The following PLXNA4 variants were observed in gnomAD, a reference collection of about 807,000 sequenced individuals.
PLXNA4 encodes plexin-A4.
A neutral mutation model predicts 191.8 loss-of-function variants in PLXNA4; 44 were observed. The ratio of observed to expected loss-of-function variants is 0.23; its 90% confidence interval spans 0.18 to 0.29. The LOEUF (loss-of-function observed/expected upper bound fraction) is 0.29, where lower values mean the gene tolerates loss of function less well. PLXNA4 is among the 10% of genes least tolerant of loss of function. The pLI is 1.00. For synonymous variants in PLXNA4, 1,082 were observed against 1,009.5 expected (o/e 1.07, Z -1.36); for missense variants, 1,800 against 2,488.8 (o/e 0.72, Z 5.89).
chr7:132,561,519 T>TCCTCCTCCTC (rs1801065144), intron 1 of PLXNA4, among the ~76,000 whole-genome samples: 1 of 50,886 alleles, frequency 2.0e-5, no homozygotes, highest in African/African-American at 9.4e-5. Context: ...TCCTCCTCCT[T>TCCTCCTCCTC]CTCCTCCTCC....
chr7:132,205,973 G>A (rs182910811), intron 10 of PLXNA4, among the ~76,000 whole-genome samples: 8 of 152,192 alleles, frequency 5.3e-5, no homozygotes, highest in East Asian at 1.9e-4. Context: ...GTACTCAAAC[G>A]TGTTTATGTG....
In PLXNA4 at chr7:132,298,298, T is replaced by C. The variant is rs1801181655; in HGVS notation, c.1372-76A>G. 6.5e-6 allele frequency: 10 copies of C among 1,529,148 alleles called. No homozygotes were observed. The East Asian group carries it at 6.8e-5, about 10-fold the overall frequency. 94.7% of individuals were successfully genotyped at this position (1,529,148 alleles called of 1,614,324 possible). A position where few individuals can be genotyped will look rare whatever the true frequency, so the allele number is the denominator to read the frequency against. On this transcript the variant is annotated intron_variant, in intron 3 of 31. Transcript: ENST00000321063. Reference sequence around the variant, plus strand: ...ACAGCCAAACTTCAGCCAAAGACCCTGTCAACAGCCAAGGGAGAGGGCATG... The same window carrying C: ...ACAGCCAAACTTCAGCCAAAGACCCCGTCAACAGCCAAGGGAGAGGGCATG...
rs374598492 is a variant in PLXNA4 at position 132,146,672 on chromosome 7, G to A, written c.4893C>T (p.Pro1631=). The change falls in exon 28 of 32, where the codon CCC becomes CCT. Residue 1631 remains proline (P), a synonymous_variant. Coordinates refer to ENST00000321063, the MANE Select transcript of PLXNA4 (RefSeq NM_020911.2). ...YENMIRYTGS[P]DSLRSRTPMI... ...TAGGTGTCCGTGAGCGGAGGCTGTC[G>A]GGGCTGCCCGTGTACCGGATCATGT... 25 of 1,614,034 alleles carry A rather than the reference G, an allele frequency of 1.5e-5. No individual in the cohort carries two copies. Among genetic ancestry groups the A allele is most frequent in the African/African-American group, 1.1e-4 (8 of 74,916 alleles).
chr7:132,615,078 T>C (rs76119672), intron 2 of PLXNA4, among the ~76,000 whole-genome samples: 2,820 of 152,250 alleles, frequency 0.019, 77 homozygotes, highest in African/African-American at 0.063. Context: ...TTAGAAGGTC[T>C]TAAGAAATAC....
At chr7:132,589,287 G>C (rs116681722) in intron 2 of PLXNA4, among the ~76,000 whole-genome samples, 1 of 151,962 alleles carries the variant, frequency 6.6e-6, no homozygotes, top group Non-Finnish European at 1.5e-5. Context: ...AGAGAGTGTC[G>C]ATTTAGAATG....
intron 5 of PLXNA4, among the ~76,000 whole-genome samples, chr7:132,232,909 C>A (rs910664651): frequency 6.6e-6 from 1 of 152,166 alleles, no homozygotes; most frequent in East Asian, 1.9e-4. Context: ...CTGAGTGAAC[C>A]GCCAAGCTTG....
intron 15 of PLXNA4, among the ~76,000 whole-genome samples, chr7:132,185,733 G>C (rs1351602505): frequency 6.6e-6 from 1 of 152,218 alleles, no homozygotes; most frequent in African/African-American, 2.4e-5. Context: ...ATCTGGCTAA[G>C]TCTATTTGGG....
chr7:132,609,081 T>C (rs56306890), intron 2 of PLXNA4, among the ~76,000 whole-genome samples: 133,860 of 152,184 alleles, frequency 0.88, 60,263 homozygotes, highest in East Asian at 1. Context: ...AGTGTCCACA[T>C]GAGTGACATG....
At chr7:132,171,523 G>A (rs1386641774) in intron 21 of PLXNA4, among the ~76,000 whole-genome samples, 2 of 152,212 alleles carry the variant, frequency 1.3e-5, no homozygotes, top group East Asian at 1.9e-4. Context: ...CTAAGGGAGG[G>A]CAGTCACCAG....
intron 2 of PLXNA4, among the ~76,000 whole-genome samples, chr7:132,584,536 G>C (rs1056833225): frequency 1.3e-5 from 2 of 152,146 alleles, no homozygotes; most frequent in Admixed American, 1.3e-4. Flanking sequence ...CACAGAACAT[G>C]GTGCAGATGT....
chr7:132,470,090 G>C (rs995269477), intron 3 of PLXNA4, among the ~76,000 whole-genome samples: 3 of 152,198 alleles, frequency 2.0e-5, no homozygotes, highest in African/African-American at 7.2e-5. Flanking sequence ...CTTCTCAAAA[G>C]TTTTTTATGC....
Position 132,555,350 on chromosome 7 carries a change from G to T in PLXNA4, c.-87+21072C>A, listed in dbSNP as rs79838859. The stretch of plus-strand genomic sequence containing the variant: ...ACCTGCTCTTCTTCCCTTCCCATTT[G>T]CTTATAGAACCTCAAGGCAGTAGAC... On this transcript the variant is annotated intron_variant, in intron 1 of 31. Coordinates refer to ENST00000321063, the MANE Select transcript of PLXNA4 (RefSeq NM_020911.2). 2.5e-3 allele frequency among the ~76,000 whole-genome samples: 378 copies of T among 152,256 alleles called. 6 individuals are homozygous for T. Among genetic ancestry groups the T allele is most frequent in the Admixed American group, 0.022 (331 of 15,300 alleles).
At chr7:132,325,902 G>C (rs150774646) in intron 3 of PLXNA4, among the ~76,000 whole-genome samples, 1 of 152,194 alleles carries the variant, frequency 6.6e-6, no homozygotes, top group Non-Finnish European at 1.5e-5. Context: ...TTCCAACACA[G>C]CTGAAAGCCA....
chr7:132,645,539 T>C (rs992634900), intron 2 of PLXNA4, among the ~76,000 whole-genome samples: 8 of 152,236 alleles, frequency 5.3e-5, no homozygotes, highest in Non-Finnish European at 7.3e-5. Flanking sequence ...TGTTTCTTTA[T>C]AGCAGTGTGA....
chr7:132,515,807 C>T (rs891232895), intron 1 of PLXNA4, among the ~76,000 whole-genome samples: 2 of 152,170 alleles, frequency 1.3e-5, no homozygotes, highest in Admixed American at 1.3e-4. Context: ...AGCCACTGGT[C>T]TAAGATGCCC....
chr7:132,538,852 A>G (rs1799954511), intron 1 of PLXNA4, among the ~76,000 whole-genome samples: 1 of 152,208 alleles, frequency 6.6e-6, no homozygotes, highest in African/African-American at 2.4e-5. Context: ...CCTAAGCACG[A>G]GGGAAAGAAA....
chr7:132,466,015 C>T (rs534171342), intron 3 of PLXNA4, among the ~76,000 whole-genome samples: 1 of 152,252 alleles, frequency 6.6e-6, no homozygotes, highest in Non-Finnish European at 1.5e-5. Flanking sequence ...AGGTCAGGGG[C>T]CTGGTCTCAA....
intron 11 of PLXNA4, 96 bp from the exon 12 acceptor site, chr7:132,202,932 G>C (rs1380144391): frequency 1.5e-6 from 2 of 1,295,152 alleles, no homozygotes; most frequent in African/African-American, 1.5e-5. Context: ...GCCAGCCTGG[G>C]GTGATGGGGC....
chr7:132,148,180 G>A (rs1198886963), intron 26 of PLXNA4, among the ~76,000 whole-genome samples, 181 bp from the exon 27 acceptor site: 3 of 152,180 alleles, frequency 2.0e-5, no homozygotes, highest in Non-Finnish European at 4.4e-5. Flanking sequence ...ATACTGACAA[G>A]TATTCTGTTT....
Sources: gnomAD v4.1 joint callset for allele counts (sites outside exome capture counted in the v4.1 genomes callset) on GRCh38, gnomAD v4.1.1 for gene constraint, MANE v1.5 for transcripts, NCBI Gene and HGNC (gene_info 2026-07-23, HGNC 2026-07-21) for gene names.